RBFOX1: variants seen among roughly 807,000 people sequenced by gnomAD.
RBFOX1 encodes the protein RNA binding fox-1 homolog 1.
RBFOX1 carries 8 observed loss-of-function variants against 57.7 expected under a neutral mutation model. The ratio of observed to expected loss-of-function variants is 0.14; its 90% confidence interval spans 0.08 to 0.25. RBFOX1 has a LOEUF of 0.25. RBFOX1 is among the 10% of genes least tolerant of loss of function. The probability of loss-of-function intolerance (pLI) is 1.00; values close to 1 mark genes in which losing one functional copy is unlikely to be tolerated. For missense variants in RBFOX1, 611 were observed against 548.5 expected, an observed-to-expected ratio of 1.11 and a Z score of -1.14; for synonymous variants, 326 against 222.4, an observed-to-expected ratio of 1.47 and a Z score of -4.15.
intron 2 of RBFOX1, among the ~76,000 whole-genome samples, chr16:6,323,940 T>A (rs1264860806): frequency 2.0e-5 from 3 of 152,036 alleles, no homozygotes; most frequent in African/African-American, 7.3e-5. Flanking sequence ...GCTCAGCTAG[T>A]GTTTGTATTT....
intron 1 of RBFOX1, among the ~76,000 whole-genome samples, chr16:5,353,971 G>C (rs2065325073): frequency 6.6e-6 from 1 of 152,120 alleles, no homozygotes; most frequent in Non-Finnish European, 1.5e-5. Context: ...AGGATGAACG[G>C]AGGGGCCACT....
At chr16:5,356,487 T>A (rs1015960083) in intron 1 of RBFOX1, among the ~76,000 whole-genome samples, 1 of 152,234 alleles carries the variant, frequency 6.6e-6, no homozygotes, top group Non-Finnish European at 1.5e-5. Flanking sequence ...GGACCATTGG[T>A]TGCTTGTGCC....
intron 2 of RBFOX1, among the ~76,000 whole-genome samples, chr16:6,581,527 A>G (rs1156727321): frequency 6.6e-6 from 1 of 152,180 alleles, no homozygotes; most frequent in Non-Finnish European, 1.5e-5. Flanking sequence ...GCTGAGGTGA[A>G]GCAAACCGTA....
chr16:6,640,701 G>GGC (rs554320901), intron 2 of RBFOX1, among the ~76,000 whole-genome samples: 70 of 152,078 alleles, frequency 4.6e-4, no homozygotes, highest in Non-Finnish European at 4.7e-4. Context: ...GGAAACACTG[G>GGC]GCAAATACTT....
intron 2 of RBFOX1, among the ~76,000 whole-genome samples, chr16:6,377,227 T>A (rs1271639459): frequency 6.9e-6 from 1 of 144,042 alleles, no homozygotes; most frequent in African/African-American, 2.7e-5. Context: ...TGAGCCAAGG[T>A]CATGCAACTG....
At chr16:6,394,878 A>G (rs2092757917) in intron 2 of RBFOX1, among the ~76,000 whole-genome samples, 1 of 152,190 alleles carries the variant, frequency 6.6e-6, no homozygotes, top group African/African-American at 2.4e-5. Flanking sequence ...ACAGCTGTGT[A>G]TCGTGGTGAG....
At chr16:7,108,789 A>C (rs1300408250) in intron 4 of RBFOX1, among the ~76,000 whole-genome samples, 1 of 152,162 alleles carries the variant, frequency 6.6e-6, no homozygotes, top group African/African-American at 2.4e-5. Flanking sequence ...ATGTATTACG[A>C]GGCTCATGAA....
In RBFOX1 at chr16:6,929,204, T is replaced by C. The variant is rs77020979; in HGVS notation, c.-15-122853T>C. Among the ~76,000 whole-genome samples the C allele has an allele frequency of 3.8e-3, 583 of 152,260 alleles. 8 individuals are homozygous for C. The highest frequency in any genetic ancestry group is 0.031 in the East Asian group (161 of 5,170). ...ACACATTCTACTCTTTGAAGGCAAGTGTGTTCTTAACTGCTTGGATCCTAC... is the reference window on the plus strand; with the variant it reads ...ACACATTCTACTCTTTGAAGGCAAGCGTGTTCTTAACTGCTTGGATCCTAC... On this transcript the variant is annotated intron_variant, in intron 3 of 15. Coordinates refer to ENST00000550418, the MANE Select transcript of RBFOX1 (RefSeq NM_018723.4).
At chr16:7,656,841 T>C (rs1597425993) in intron 12 of RBFOX1, among the ~76,000 whole-genome samples, 1 of 152,150 alleles carries the variant, frequency 6.6e-6, no homozygotes, top group African/African-American at 2.4e-5. Flanking sequence ...GAAAGGTCCT[T>C]AGCCCAGCTT....
intron 1 of RBFOX1, among the ~76,000 whole-genome samples, chr16:6,100,953 A>AT (rs1169017967): frequency 3.3e-5 from 5 of 151,966 alleles, no homozygotes; most frequent in African/African-American, 9.7e-5. Context: ...GCACAAAGGG[A>AT]TTTTTTTCCG....
intron 4 of RBFOX1, among the ~76,000 whole-genome samples, chr16:7,316,983 CACAA>C (rs1172610027): frequency 1.7e-4 from 26 of 151,176 alleles, no homozygotes; most frequent in African/African-American, 5.4e-4. Flanking sequence ...CACACACACA[CACAA>C]ACACACACAC....
intron 4 of RBFOX1, among the ~76,000 whole-genome samples, chr16:7,364,106 A>G (rs776540832): frequency 3.9e-5 from 6 of 152,216 alleles, no homozygotes; most frequent in African/African-American, 1.2e-4. Context: ...CATTTTAAAG[A>G]TTAGGAATCC....
chr16:7,080,703 G>A (rs74008714), intron 4 of RBFOX1, among the ~76,000 whole-genome samples: 4,660 of 152,180 alleles, frequency 0.031, 85 homozygotes, highest in African/African-American at 0.035. Flanking sequence ...CTGGGTGTTA[G>A]GGTATGCTTC....
rs543184033 is a variant in RBFOX1 at position 5,570,703 on chromosome 16, G to C, written c.259-28199G>C. On this transcript the variant is annotated intron_variant, in intron 2 of 2. Transcript: ENST00000585867. Reference sequence around the variant, plus strand: ...AAAAGTACAAAAATTAGCTGGGCTTGTTGGTGCGCACCTGTAATCCCAGTT... The same window carrying C: ...AAAAGTACAAAAATTAGCTGGGCTTCTTGGTGCGCACCTGTAATCCCAGTT... Among the ~76,000 whole-genome samples, 25 of 152,226 alleles carry C rather than the reference G, an allele frequency of 1.6e-4. No homozygotes were observed. The South Asian group carries it at 5.0e-3, about 30-fold the overall frequency.
intron 1 of RBFOX1, among the ~76,000 whole-genome samples, chr16:6,172,921 G>A (rs1407680111): frequency 6.6e-6 from 1 of 152,150 alleles, no homozygotes; most frequent in Non-Finnish European, 1.5e-5. Context: ...AGGCTGATGT[G>A]GAGAATCTTA....
intron 3 of RBFOX1, among the ~76,000 whole-genome samples, chr16:7,003,806 G>A (rs952135268): frequency 1.3e-5 from 2 of 152,050 alleles, no homozygotes; most frequent in African/African-American, 4.8e-5. Context: ...GAGACTAAAG[G>A]ACAATTCCTT....
intron 1 of RBFOX1, among the ~76,000 whole-genome samples, chr16:6,264,490 C>T (rs1172280039): frequency 6.6e-6 from 1 of 152,172 alleles, no homozygotes; most frequent in African/African-American, 2.4e-5. Context: ...AGTGAGTGAT[C>T]AGATTGCATC....
At chr16:6,768,339 A>AG (rs1235080797) in intron 3 of RBFOX1, among the ~76,000 whole-genome samples, 1 of 148,924 alleles carries the variant, frequency 6.7e-6, no homozygotes, top group Admixed American at 6.7e-5. Context: ...AAAGTATTTC[A>AG]AAAATTTTTT....
intron 2 of RBFOX1, among the ~76,000 whole-genome samples, chr16:6,609,724 A>T (rs1287012049): frequency 6.6e-6 from 1 of 152,158 alleles, no homozygotes; most frequent in Non-Finnish European, 1.5e-5. Flanking sequence ...AAACACTAGC[A>T]ATGGGTCAGG....
Sources: allele counts gnomAD v4.1 joint callset (sites outside exome capture counted in the v4.1 genomes callset), GRCh38; gene constraint gnomAD v4.1.1; transcripts MANE v1.5; gene names NCBI Gene and HGNC (gene_info 2026-07-23, HGNC 2026-07-21).